The following SLX4IP variants were observed in gnomAD, a reference collection of about 807,000 sequenced individuals.
SLX4IP encodes protein SLX4IP.
Under a neutral mutation model 32.9 loss-of-function variants are expected in SLX4IP, and 34 were observed. That is an observed-to-expected ratio of 1.03 (90% CI 0.79 to 1.38). SLX4IP has a LOEUF of 1.38. SLX4IP is among the 40% of genes most tolerant of loss of function. SLX4IP has a pLI of 0.00. For synonymous variants in SLX4IP, 172 were observed against 171.7 expected (o/e 1.00, Z -0.01); for missense variants, 444 against 479.0 (o/e 0.93, Z 0.68).
chr20:10,478,429 A>C (rs886805053), intron 2 of SLX4IP, among the ~76,000 whole-genome samples: 4 of 152,196 alleles, frequency 2.6e-5, no homozygotes, highest in Non-Finnish European at 5.9e-5. Flanking sequence ...AGAGAATGTG[A>C]AAAGCAGGTT....
intron 2 of SLX4IP, among the ~76,000 whole-genome samples, chr20:10,505,177 T>C (rs1188055159): frequency 6.6e-6 from 1 of 152,200 alleles, no homozygotes; most frequent in Non-Finnish European, 1.5e-5. Flanking sequence ...CTCACTAACC[T>C]GAAGCATTTG....
intron 4 of SLX4IP, among the ~76,000 whole-genome samples, chr20:10,568,726 A>G (rs2066424789): frequency 6.6e-6 from 1 of 152,210 alleles, no homozygotes; most frequent in Non-Finnish European, 1.5e-5. Flanking sequence ...AATTACTGTA[A>G]TAGTTCTCAC....
At chr20:10,601,688 G>GT (rs751294576) in intron 5 of SLX4IP, 43 bp from the exon 6 acceptor site, 4 of 1,551,146 alleles carry the variant, frequency 2.6e-6, no homozygotes, top group Non-Finnish European at 3.6e-6. Context: ...TGTGTTTATA[G>GT]TTTTTTGACA....
chr20:10,453,496 A>G (rs1419498481), intron 1 of SLX4IP, among the ~76,000 whole-genome samples: 2 of 152,094 alleles, frequency 1.3e-5, no homozygotes, highest in African/African-American at 2.4e-5. Context: ...TTTCTTGCTT[A>G]GTTTCCTCAT....
chr20:10,598,963 C>T (rs2066808332), intron 5 of SLX4IP, among the ~76,000 whole-genome samples: 2 of 152,204 alleles, frequency 1.3e-5, no homozygotes, highest in South Asian at 4.1e-4. Flanking sequence ...ATCATGCTTT[C>T]CTTTCCTGAT....
intron 1 of SLX4IP, among the ~76,000 whole-genome samples, chr20:10,448,001 G>A (rs6032880): frequency 0.49 from 74,351 of 151,440 alleles, 19,697 homozygotes; most frequent in Non-Finnish European, 0.6. Flanking sequence ...CACTGAACCC[G>A]GCCTCTACTT....
At chr20:10,574,175 CCAGAGTTG>C (rs368057533) in intron 4 of SLX4IP, among the ~76,000 whole-genome samples, 8 of 152,116 alleles carry the variant, frequency 5.3e-5, no homozygotes, top group Non-Finnish European at 8.8e-5. Context: ...ATGGACATAG[CCAGAGTTG>C]CAGTGACTGA....
At chr20:10,533,919 C>T (rs893527346) in intron 2 of SLX4IP, among the ~76,000 whole-genome samples, 1 of 123,822 alleles carries the variant, frequency 8.1e-6, no homozygotes, top group South Asian at 3.4e-4. Flanking sequence ...TGCACCTAGC[C>T]ATCTCTTATT....
intron 2 of SLX4IP, among the ~76,000 whole-genome samples, chr20:10,527,214 G>C (rs2065947579): frequency 6.6e-6 from 1 of 152,154 alleles, no homozygotes; most frequent in Non-Finnish European, 1.5e-5. Flanking sequence ...GCCCCTCAAA[G>C]AGCTCACAGT....
chr20:10,485,086 A>G (rs552875673), intron 2 of SLX4IP, among the ~76,000 whole-genome samples: 1 of 152,134 alleles, frequency 6.6e-6, no homozygotes, highest in East Asian at 1.9e-4. Flanking sequence ...TTAAAGCCCA[A>G]CATACGAGAT....
intron 2 of SLX4IP, among the ~76,000 whole-genome samples, chr20:10,491,394 C>T (rs590475): frequency 0.27 from 40,952 of 151,930 alleles, 5,562 homozygotes; most frequent in Admixed American, 0.3. Context: ...TCAGCTCTAA[C>T]GTTCTTCAGA....
At chr20:10,446,849 T>C (rs1273956145) in intron 1 of SLX4IP, among the ~76,000 whole-genome samples, 3 of 152,250 alleles carry the variant, frequency 2.0e-5, no homozygotes, top group Non-Finnish European at 2.9e-5. Flanking sequence ...CTATGTATTC[T>C]AGATAGAAAT....
At chr20:10,590,301 T>C (rs2066692740) in intron 4 of SLX4IP, among the ~76,000 whole-genome samples, 2 of 152,110 alleles carry the variant, frequency 1.3e-5, no homozygotes, top group Admixed American at 6.6e-5. Context: ...TTCCCCCATA[T>C]TGAGTCAAAC....
chr20:10,614,303 A>G, intron 6 of SLX4IP: 6 of 592,712 alleles, frequency 1.0e-5, no homozygotes, highest in Non-Finnish European at 1.8e-5. Flanking sequence ...TACCTTGAGA[A>G]CAATTTTAAA....
At chr20:10,578,972 C>T (rs1433661274) in intron 4 of SLX4IP, among the ~76,000 whole-genome samples, 1 of 151,986 alleles carries the variant, frequency 6.6e-6, no homozygotes, top group African/African-American at 2.4e-5. Flanking sequence ...AGATATAAGT[C>T]CCTTATCAGC....
intron 4 of SLX4IP, among the ~76,000 whole-genome samples, chr20:10,582,269 A>G (rs2066595285): frequency 1.3e-5 from 2 of 152,198 alleles, no homozygotes; most frequent in Admixed American, 6.5e-5. Flanking sequence ...ACACTTCTCC[A>G]TAGGCCATTA....
At chr20:10,473,325 C>T (rs910544003) in intron 2 of SLX4IP, among the ~76,000 whole-genome samples, 5 of 152,226 alleles carry the variant, frequency 3.3e-5, no homozygotes, top group African/African-American at 1.2e-4. Context: ...CTCTAAAGCA[C>T]TGGTTCTCAG....
At chr20:10,597,375 T>C (rs1318314649) in intron 4 of SLX4IP, among the ~76,000 whole-genome samples, 2 of 152,162 alleles carry the variant, frequency 1.3e-5, no homozygotes, top group Non-Finnish European at 2.9e-5. Context: ...AGGAAAATCA[T>C]CAACAAAGTA....
Position 10,566,884 on chromosome 20 carries a change from A to G in SLX4IP, c.238+6064A>G, listed in dbSNP as rs535013210. Among the ~76,000 whole-genome samples the G allele has an allele frequency of 1.0e-3, 152 of 152,322 alleles. 6 individuals are homozygous for G. In the South Asian group the frequency reaches 0.03, roughly 30 times the overall value. ...GCTGGCAGAAACATGGCAGACATACAGGGCACATCCAAATCCAGAAGAAAG... is the reference window on the plus strand; with the variant it reads ...GCTGGCAGAAACATGGCAGACATACGGGGCACATCCAAATCCAGAAGAAAG... On this transcript the variant is annotated intron_variant, in intron 4 of 7. Transcript: ENST00000334534.
Sources: gnomAD v4.1 joint callset for allele counts (sites outside exome capture counted in the v4.1 genomes callset) on GRCh38, gnomAD v4.1.1 for gene constraint, MANE v1.5 for transcripts, NCBI Gene and HGNC (gene_info 2026-07-23, HGNC 2026-07-21) for gene names.